The following RYR2 variants were observed in gnomAD, a reference collection of about 807,000 sequenced individuals.
RYR2 encodes the protein cardiac muscle ryanodine receptor-calcium release channel.
In RYR2, 227 loss-of-function variants were observed where a neutral mutation model predicts 601.1. The observed-to-expected ratio is 0.38, with a 90% confidence interval of 0.34 to 0.42. RYR2 has a LOEUF of 0.42. Among genes scored for constraint, RYR2 ranks in the 10% least tolerant of loss-of-function variants. The pLI, the probability that RYR2 is intolerant of heterozygous loss-of-function variation, is 1.00. For missense variants in RYR2, 4,646 were observed against 6,156.5 expected, an observed-to-expected ratio of 0.75 and a Z score of 8.21; for synonymous variants, 2,223 against 2,175.1, an observed-to-expected ratio of 1.02 and a Z score of -0.61.
intron 1 of RYR2, among the ~76,000 whole-genome samples, chr1:237,053,047 C>T (rs948092743): frequency 6.6e-6 from 1 of 152,230 alleles, no homozygotes; most frequent in East Asian, 1.9e-4. Flanking sequence ...TGGGGTTTCA[C>T]CATGTTGGCC....
intron 29 of RYR2, among the ~76,000 whole-genome samples, chr1:237,584,649 GTTT>G (rs61131096): frequency 1.4e-5 from 1 of 72,468 alleles, no homozygotes; most frequent in African/African-American, 5.3e-5. Context: ...CTCACCACCT[GTTT>G]TTTTTTTTTT....
intron 34 of RYR2, among the ~76,000 whole-genome samples, chr1:237,599,249 A>G (rs1360371766): frequency 2.0e-5 from 3 of 152,200 alleles, no homozygotes; most frequent in Non-Finnish European, 2.9e-5. Flanking sequence ...CTTCTGTTCA[A>G]CATAATACTA....
chr1:237,209,598 A>G (rs1682343501), intron 1 of RYR2, among the ~76,000 whole-genome samples: 1 of 151,584 alleles, frequency 6.6e-6, no homozygotes, highest in African/African-American at 2.4e-5. Flanking sequence ...TCTGCCTGTA[A>G]TCCCAGCACA....
intron 2 of RYR2, among the ~76,000 whole-genome samples, chr1:237,325,986 T>C (rs967557764): frequency 7.2e-5 from 11 of 152,162 alleles, no homozygotes; most frequent in Non-Finnish European, 1.5e-4. Context: ...CACATAATAA[T>C]GAGAAGGATG....
intron 1 of RYR2, among the ~76,000 whole-genome samples, chr1:237,109,232 G>C (rs1326147431): frequency 6.6e-6 from 1 of 151,172 alleles, no homozygotes; most frequent in Non-Finnish European, 1.5e-5. Context: ...ATTTTATTTT[G>C]AAATAATTAC....
intron 2 of RYR2, among the ~76,000 whole-genome samples, chr1:237,324,128 C>T (rs1695915510): frequency 6.6e-6 from 1 of 152,140 alleles, no homozygotes; most frequent in South Asian, 2.1e-4. Flanking sequence ...AAAAAGTGAA[C>T]TAAGATTTTT....
intron 25 of RYR2, among the ~76,000 whole-genome samples, chr1:237,535,436 A>G (rs1668508301): frequency 6.6e-6 from 1 of 151,966 alleles, no homozygotes; most frequent in Admixed American, 6.6e-5. Context: ...ATAAGAAAGA[A>G]AATACGAATA....
At chr1:237,474,199 ATATG>A (rs1230193591) in intron 17 of RYR2, among the ~76,000 whole-genome samples, 28 of 107,810 alleles carry the variant, frequency 2.6e-4, no homozygotes, top group African/African-American at 7.0e-4. Context: ...ACGTGTGTAT[ATATG>A]TGTGTGTGTG....
chr1:237,778,461 A>G (rs962425483), intron 87 of RYR2, among the ~76,000 whole-genome samples: 2 of 151,930 alleles, frequency 1.3e-5, no homozygotes, highest in East Asian at 1.9e-4. Flanking sequence ...AATATATTAA[A>G]TGTTTTAAAG....
chr1:237,677,510 A>T (rs749446202), intron 60 of RYR2, among the ~76,000 whole-genome samples: 1 of 152,190 alleles, frequency 6.6e-6, no homozygotes, highest in Non-Finnish European at 1.5e-5. Context: ...CTAATTTGCC[A>T]ACCTAATATT....
chr1:237,324,857 A>G (rs1288587768), intron 2 of RYR2, among the ~76,000 whole-genome samples: 1 of 152,206 alleles, frequency 6.6e-6, no homozygotes, highest in Non-Finnish European at 1.5e-5. Context: ...TTGGAGCCCA[A>G]TTGAAAGGCA....
intron 96 of RYR2, among the ~76,000 whole-genome samples, chr1:237,797,296 C>T (rs1239576329): frequency 6.6e-6 from 1 of 150,660 alleles, no homozygotes; most frequent in African/African-American, 2.5e-5. Flanking sequence ...AAGAATTATT[C>T]TAATGATTGA....
At chr1:237,197,074 ATATAT>A (rs1460440337) in intron 1 of RYR2, among the ~76,000 whole-genome samples, 3 of 152,130 alleles carry the variant, frequency 2.0e-5, no homozygotes, top group Admixed American at 6.5e-5. Context: ...TGTTCCTGAA[ATATAT>A]TAAGTAAAGT....
At chr1:237,512,263 T>C (rs1307170862) in intron 24 of RYR2, among the ~76,000 whole-genome samples, 1 of 152,208 alleles carries the variant, frequency 6.6e-6, no homozygotes, top group East Asian at 1.9e-4. Flanking sequence ...TATGTCTTCA[T>C]TTTGAAAATT....
intron 100 of RYR2, among the ~76,000 whole-genome samples, chr1:237,811,387 T>C (rs1661235872): frequency 6.6e-6 from 1 of 152,214 alleles, no homozygotes; most frequent in Admixed American, 6.5e-5. Context: ...AACTTTATCA[T>C]AAATGATCAT....
chr1:237,633,827 A>G (rs1573240004), intron 43 of RYR2, 117 bp downstream of exon 43: 1 of 1,043,722 alleles, frequency 9.6e-7, no homozygotes, highest in East Asian at 2.7e-5. Flanking sequence ...TCACAAAAGA[A>G]GACAGATAGT....
intron 2 of RYR2, among the ~76,000 whole-genome samples, chr1:237,280,490 A>G (rs1241566660): frequency 6.6e-6 from 1 of 152,214 alleles, no homozygotes; most frequent in Non-Finnish European, 1.5e-5. Flanking sequence ...ATTATCAATA[A>G]CTATATTTTT....
chr1:237,042,393 C>T lies in RYR2; in HGVS notation c.-129C>T. ...CAGGCGGGGACCGCCCGGCGCTCGG[C>T]ACCCGGCAGCGCGGCCCCCTCCAGC... On this transcript the variant is annotated 5_prime_UTR_variant, in exon 1 of 105. Coordinates refer to ENST00000366574, the MANE Select transcript of RYR2 (RefSeq NM_001035.3). The T allele has an allele frequency of 1.1e-6, 1 of 929,648 alleles. No individual in the cohort carries two copies. Among genetic ancestry groups the T allele is most frequent in the Non-Finnish European group, 1.4e-6 (1 of 726,914 alleles). 57.6% of individuals were successfully genotyped at this position (929,648 alleles called of 1,614,324 possible).
At chr1:237,395,445 G>A (rs193034576) in intron 10 of RYR2, among the ~76,000 whole-genome samples, 12 of 151,190 alleles carry the variant, frequency 7.9e-5, no homozygotes, top group Admixed American at 2.6e-4. Flanking sequence ...TTTTTCAGAC[G>A]ATTCCTACAT....
Sources: allele counts gnomAD v4.1 joint callset (sites outside exome capture counted in the v4.1 genomes callset), GRCh38; gene constraint gnomAD v4.1.1; transcripts MANE v1.5; gene names NCBI Gene and HGNC (gene_info 2026-07-23, HGNC 2026-07-21).